The following BRWD1 variants were observed in gnomAD, a reference collection of about 807,000 sequenced individuals.
BRWD1 encodes the protein bromodomain and WD repeat-containing protein 1.
In BRWD1, 82 loss-of-function variants were observed where a neutral mutation model predicts 251.2. The ratio of observed to expected loss-of-function variants is 0.33; its 90% CI spans 0.27 to 0.39. BRWD1 has a LOEUF of 0.39. BRWD1 is among the 10% of genes least tolerant of loss of function. The pLI is 1.00. For missense variants in BRWD1, 2,233 were observed against 2,711.6 expected (o/e 0.82, Z 3.92); for synonymous variants, 918 against 902.8 (o/e 1.02, Z -0.30).
chr21:39,237,279 A>C (rs1337722842), intron 22 of BRWD1, among the ~76,000 whole-genome samples: 1 of 152,212 alleles, frequency 6.6e-6, no homozygotes, highest in African/African-American at 2.4e-5. Flanking sequence ...GAAAGCCTTA[A>C]GTAGTCAGTT....
intron 25 of BRWD1, among the ~76,000 whole-genome samples, chr21:39,231,529 A>G (rs2033616651): frequency 6.6e-6 from 1 of 152,112 alleles, no homozygotes; most frequent in Non-Finnish European, 1.5e-5. Flanking sequence ...ATACTCATAT[A>G]TTTACAAGCA....
Position 39,277,370 on chromosome 21 carries a change from G to A in BRWD1, c.1004-19C>T. The A allele has an allele frequency of 6.8e-7, 1 of 1,471,076 alleles. No homozygotes were observed. Among genetic ancestry groups the A allele is most frequent in the East Asian group, 2.3e-5 (1 of 42,564 alleles). The allele number at this position is 1,471,076 out of a possible 1,614,324, so 91.1% of individuals were successfully genotyped here. On this transcript the variant is annotated intron_variant, in intron 10 of 40. Transcript: ENST00000342449. ...ATACCACCTGAAATAAAAATGGTAAGGTTTAAACATCCAGTTTATAACAAA... is the reference window on the plus strand; with the variant it reads ...ATACCACCTGAAATAAAAATGGTAAAGTTTAAACATCCAGTTTATAACAAA...
chr21:39,216,718 T>A, intron 31 of BRWD1: 1 of 422,858 alleles, frequency 2.4e-6, no homozygotes, highest in South Asian at 1.9e-5. Context: ...TTGGACTGTG[T>A]TAAAGACTTC....
intron 15 of BRWD1, among the ~76,000 whole-genome samples, chr21:39,269,256 T>C (rs941307200): frequency 4.0e-5 from 6 of 151,800 alleles, no homozygotes; most frequent in Admixed American, 3.3e-4. Flanking sequence ...AAAAAATTTT[T>C]TTTTTTTAAG....
chr21:39,185,740 G>T lies in BRWD1; in HGVS notation c.*10519C>A, dbSNP rs1449694096. On this transcript the variant is annotated 3_prime_UTR_variant, in exon 41 of 41. Coordinates refer to ENST00000342449, the MANE Select transcript of BRWD1 (RefSeq NM_033656.4). The stretch of plus-strand genomic sequence containing the variant: ...AAAAAAATGCATTTGACTTAAAAAA[G>T]AAATAGAAAACCCTAGGTTTCTGTA... 4.0e-5 allele frequency: 6 copies of T among 150,872 alleles called. No homozygotes were observed. Among genetic ancestry groups the T allele is most frequent in the African/African-American group, 1.2e-4 (5 of 41,064 alleles). The allele number at this position is 150,872 out of a possible 1,614,324, so 9.3% of individuals were successfully genotyped here. A position where few individuals can be genotyped will look rare whatever the true frequency, so the allele number is the denominator to read the frequency against.
chr21:39,242,367 T>G (rs1364293663), intron 21 of BRWD1, among the ~76,000 whole-genome samples: 4 of 152,174 alleles, frequency 2.6e-5, no homozygotes, highest in Admixed American at 6.5e-5. Context: ...CCTAACTCTC[T>G]TTAATTCTAT....
intron 35 of BRWD1, among the ~76,000 whole-genome samples, chr21:39,210,580 T>C (rs1165138481): frequency 2.0e-5 from 3 of 152,154 alleles, no homozygotes; most frequent in Non-Finnish European, 4.4e-5. Context: ...ATTATCTAAG[T>C]CTAAATTCTT....
intron 4 of BRWD1, among the ~76,000 whole-genome samples, chr21:39,309,288 G>GAAAA (rs112335234): frequency 6.8e-6 from 1 of 147,240 alleles, no homozygotes; most frequent in Non-Finnish European, 1.5e-5. Context: ...TTCTCTAGGG[G>GAAAA]AAAAAAAAAA....
intron 8 of BRWD1, among the ~76,000 whole-genome samples, chr21:39,283,281 G>C (rs73359556): frequency 0.017 from 2,576 of 152,232 alleles, 69 homozygotes; most frequent in African/African-American, 0.059. Flanking sequence ...TAAATACGCT[G>C]ATTTTATAGC....
rs900349548 is a variant in BRWD1, at chr21:39,296,158, A to G, written c.448+107T>C. 22 of 886,466 alleles carry G rather than the reference A, an allele frequency of 2.5e-5. No homozygotes were observed. The African/African-American group carries it at 3.8e-4, about 15-fold the overall frequency. 54.9% of individuals were successfully genotyped at this position (886,466 alleles called of 1,614,324 possible). A position where few individuals can be genotyped will look rare whatever the true frequency, so the allele number is the denominator to read the frequency against. On this transcript the variant is annotated intron_variant, in intron 6 of 40. Transcript: ENST00000342449. ...TTTGATACTTATTACTATTAAAACA[A>G]CATTTCAACCAGTATTTCCTTTTAA...
intron 8 of BRWD1, among the ~76,000 whole-genome samples, chr21:39,281,021 A>C (rs2035438303): frequency 6.6e-6 from 1 of 152,234 alleles, no homozygotes; most frequent in Non-Finnish European, 1.5e-5. Flanking sequence ...AAGGAAAACA[A>C]ACACACACTA....
In BRWD1 at chr21:39,196,922, AAC is replaced by A; in HGVS notation, c.6145_6146del (p.Val2049TyrfsTer15). The A allele has an allele frequency of 6.2e-7, 1 of 1,613,896 alleles. No individual in the cohort carries two copies. The highest frequency in any genetic ancestry group is 8.5e-7 in the Non-Finnish European group (1 of 1,179,930). On this transcript the variant is annotated frameshift_variant, in exon 41 of 41. Transcript: ENST00000342449. LOFTEE classifies it low-confidence loss of function (END_TRUNC). ...DAPSKRKSSS[V>X]TSSGEDSKSH... ...TTTTTGAATCTTCTCCTGAAGATGTAACAGAGGAACTTTTTCTTTTAGAAGGT... is the reference window on the plus strand; with the variant it reads ...TTTTTGAATCTTCTCCTGAAGATGTAAGAGGAACTTTTTCTTTTAGAAGGT...
chr21:39,312,775 G>C, intron 4 of BRWD1, 66 bp downstream of exon 4: 1 of 1,383,436 alleles, frequency 7.2e-7, no homozygotes, highest in Non-Finnish European at 9.9e-7. Context: ...GTCCCCGCGA[G>C]GGGAAGGGGC....
At chr21:39,212,643 G>A (rs577500608) in intron 34 of BRWD1, 23 bp downstream of exon 34, 5 of 1,517,984 alleles carry the variant, frequency 3.3e-6, no homozygotes, top group South Asian at 1.2e-5. Context: ...AACTACAAAA[G>A]TCAACCATGC....
chr21:39,196,676 C>A lies in BRWD1; in HGVS notation c.6393G>T (p.Ser2131=), dbSNP rs147384341. ...TAEKEVKRKR[S]HPELENVKIS... ...TTTTCACATTTTCCAATTCAGGATG[C>A]GATCTCTTCCTTTTTACTTCCTTCT... The change falls in exon 41 of 41, where the codon TCG becomes TCT. Residue 2131 remains serine, a synonymous_variant. Coordinates refer to ENST00000342449, the MANE Select transcript of BRWD1 (RefSeq NM_033656.4). 9 of 1,613,788 alleles carry A rather than the reference C, an allele frequency of 5.6e-6. No homozygotes were observed. In the South Asian group the frequency reaches 8.8e-5, roughly 16 times the overall value.
rs759206537 is a variant in BRWD1 at position 39,197,384 on chromosome 21, T to C, written c.5685A>G (p.Arg1895=). Residue 1895 remains arginine, a synonymous_variant, in exon 41 of 41, where the codon AGA becomes AGG. Coordinates refer to ENST00000342449, the MANE Select transcript of BRWD1 (RefSeq NM_033656.4). ...AACAGACCCTTTTCCTGGAAATTTT[T>C]CTGCTTAGTCCATTGTCTTGTGATG... ...DSASQDNGLS[R]KISRKRVCSS... 1 of 1,604,110 alleles carries C rather than the reference T, an allele frequency of 6.2e-7. No individual in the cohort carries two copies. Among genetic ancestry groups the C allele is most frequent in the Non-Finnish European group, 8.5e-7 (1 of 1,176,720 alleles).
rs1397130381 is a variant in BRWD1, at chr21:39,199,175, C to G, written c.5241G>C (p.Lys1747Asn). Reference sequence around the variant, plus strand: ...AAGACTCTATTTTAAGAAATTTTGTCTTTGAAGGTGCTGGAGTATGGGACT... The same window carrying G: ...AAGACTCTATTTTAAGAAATTTTGTGTTTGAAGGTGCTGGAGTATGGGACT... ...GYKSHTPAPS[K>N]TKFLKIESSE... Residue 1747 changes from lysine to asparagine, a missense_variant, in exon 40 of 41, where the codon AAG (lysine) becomes AAC (asparagine). By Grantham distance (94) the Lys-to-Asn change is moderately conservative. Transcript: ENST00000342449. The G allele has an allele frequency of 1.9e-6, 3 of 1,614,114 alleles. No individual in the cohort carries two copies. Among genetic ancestry groups the G allele is most frequent in the Admixed American group, 3.3e-5 (2 of 60,004 alleles).
chr21:39,313,742 G>T (rs949095354), upstream of BRWD1: 23 of 385,726 alleles, frequency 6.0e-5, no homozygotes, highest in Admixed American at 2.0e-4. Context: ...CTCGTGTCCC[G>T]CCCGGGGAGG....
At chr21:39,237,957 T>TA (rs929824170) in intron 22 of BRWD1, among the ~76,000 whole-genome samples, 46 of 147,738 alleles carry the variant, frequency 3.1e-4, no homozygotes, top group Non-Finnish European at 5.7e-4. Context: ...CAGTACCAAT[T>TA]AAAAAAAAAA....
Sources: gnomAD v4.1 joint callset for allele counts (sites outside exome capture counted in the v4.1 genomes callset) on GRCh38, gnomAD v4.1.1 for gene constraint, MANE v1.5 for transcripts, NCBI Gene and HGNC (gene_info 2026-07-23, HGNC 2026-07-21) for gene names.